The following TRIM37 variants were observed in gnomAD, a reference collection of about 807,000 sequenced individuals.
The protein encoded by TRIM37 is E3 ubiquitin-protein ligase TRIM37.
A neutral mutation model predicts 129.8 loss-of-function variants in TRIM37; 80 were observed. The ratio of observed to expected loss-of-function variants is 0.62; its 90% CI spans 0.51 to 0.74. TRIM37 has a LOEUF of 0.74. TRIM37 is among the 30% of genes least tolerant of loss of function. TRIM37 has a pLI of 0.00. For synonymous variants in TRIM37, 389 were observed against 387.1 expected, an observed-to-expected ratio of 1.00 and a Z score of -0.06; for missense variants, 1,054 against 1,176.5, an observed-to-expected ratio of 0.90 and a Z score of 1.52.
At chr17:59,057,218 T>G (rs925403048) in intron 12 of TRIM37, among the ~76,000 whole-genome samples, 164 bp from the exon 13 acceptor site, 9 of 152,118 alleles carry the variant, frequency 5.9e-5, no homozygotes, top group African/African-American at 2.2e-4. Flanking sequence ...TATTTTGGGG[T>G]TTTTTTATTT....
chr17:59,009,020 A>AG (rs2034900465), intron 22 of TRIM37, among the ~76,000 whole-genome samples: 1 of 152,196 alleles, frequency 6.6e-6, no homozygotes, highest in Non-Finnish European at 1.5e-5. Flanking sequence ...CTCATCCCTT[A>AG]GGATGATCTT....
intron 2 of TRIM37, among the ~76,000 whole-genome samples, chr17:59,091,607 A>T (rs1599514836): frequency 8.4e-6 from 1 of 119,042 alleles, no homozygotes; most frequent in East Asian, 2.1e-4. Context: ...TTATATATAT[A>T]ATATATATAT....
chr17:58,969,984 G>A, the TRIM37 span, among the ~76,000 whole-genome samples: 4 of 152,168 alleles, frequency 2.6e-5, no homozygotes, highest in Admixed American at 2.6e-4. Context: ...TGCTGGATTT[G>A]GCAGGTGAGT....
At chr17:59,088,432 C>G in intron 3 of TRIM37, 25 bp from the exon 4 acceptor site, 2 of 1,268,716 alleles carry the variant, frequency 1.6e-6, no homozygotes, top group Non-Finnish European at 1.2e-6. Context: ...CATACACATA[C>G]ACTAATTCAG....
chr17:59,060,336 T>C (rs2041368856), intron 12 of TRIM37, among the ~76,000 whole-genome samples: 1 of 152,090 alleles, frequency 6.6e-6, no homozygotes, highest in Admixed American at 6.6e-5. Flanking sequence ...GAGGTCTTTT[T>C]TTTTTTTTGG....
chr17:59,014,708 TAG>T (rs1302203398), intron 21 of TRIM37, among the ~76,000 whole-genome samples: 1 of 141,280 alleles, frequency 7.1e-6, no homozygotes, highest in East Asian at 2.0e-4. Context: ...AAGTGTAGGA[TAG>T]ACTGAAAAAA....
At chr17:59,088,591 A>G (rs1351035362) in intron 3 of TRIM37, among the ~76,000 whole-genome samples, 184 bp from the exon 4 acceptor site, 1 of 151,880 alleles carries the variant, frequency 6.6e-6, no homozygotes, top group Non-Finnish European at 1.5e-5. Flanking sequence ...ATCATGGTTC[A>G]CTGTAGCCTT....
rs138565713 is a variant in TRIM37, at chr17:59,106,026, T to C, written c.21+415A>G. 2.0e-3 allele frequency among the ~76,000 whole-genome samples: 312 copies of C among 152,318 alleles called. 5 individuals carry two copies. Among genetic ancestry groups the C allele is most frequent in the Non-Finnish European group, 1.1e-3 (73 of 68,032 alleles). ...AATCTAGGAAGGAAGGGCAGAAGCC[T>C]GCAAAATGTGCCACTGAGAGGGAAA... On this transcript the variant is annotated intron_variant, in intron 1 of 23. Coordinates refer to ENST00000262294, the MANE Select transcript of TRIM37 (RefSeq NM_015294.6).
At chr17:59,053,361 T>C (rs769126683) in intron 13 of TRIM37, among the ~76,000 whole-genome samples, 1 of 152,214 alleles carries the variant, frequency 6.6e-6, no homozygotes, top group African/African-American at 2.4e-5. Flanking sequence ...GTCTCATTAA[T>C]AGGATAATGT....
At chr17:59,006,600 T>A (rs1280455743) in intron 22 of TRIM37, among the ~76,000 whole-genome samples, 1 of 152,062 alleles carries the variant, frequency 6.6e-6, no homozygotes, top group African/African-American at 2.4e-5. Context: ...TAACTGGACT[T>A]GGCTGGCTGG....
chr17:58,972,703 C>A, the TRIM37 span: 1 of 821,544 alleles, frequency 1.2e-6, no homozygotes, highest in Non-Finnish European at 2.0e-6. Context: ...ACTGTGCCCA[C>A]CCTCCAATGG....
downstream of TRIM37, chr17:58,979,852 T>C (rs2031259898): frequency 1.3e-6 from 1 of 749,722 alleles, no homozygotes. Flanking sequence ...ATAAATTCTT[T>C]CCAGTCAAGT....
At chr17:59,060,019 T>C (rs566658547) in intron 12 of TRIM37, among the ~76,000 whole-genome samples, 57 of 152,208 alleles carry the variant, frequency 3.7e-4, no homozygotes, top group Non-Finnish European at 6.0e-4. Context: ...CCCTGATAAG[T>C]ACTCTGCTGA....
chr17:59,088,553 C>A (rs2043983760), intron 3 of TRIM37, 146 bp from the exon 4 acceptor site: 6 of 661,814 alleles, frequency 9.1e-6, no homozygotes, highest in South Asian at 7.1e-5. Flanking sequence ...CACTCTATGA[C>A]CCAGGGTGGA....
chr17:59,012,524 C>A, intron 21 of TRIM37, 78 bp from the exon 22 acceptor site: 1 of 988,008 alleles, frequency 1.0e-6, no homozygotes, highest in Non-Finnish European at 1.6e-6. Flanking sequence ...AACTGAGCAC[C>A]AAACTAAGTA....
chr17:59,041,031 C>T (rs969322643), intron 17 of TRIM37, among the ~76,000 whole-genome samples: 8 of 150,516 alleles, frequency 5.3e-5, no homozygotes, highest in South Asian at 2.1e-4. Flanking sequence ...CCGACCTGGG[C>T]GACAGAGCGA....
At position 59,106,500 on chromosome 17, in the gene TRIM37, G is replaced by T. The variant is rs770724532; in HGVS notation, c.-39C>A. On this transcript the variant is annotated 5_prime_UTR_variant, in exon 1 of 24. Transcript: ENST00000262294. ...CGGCGGGGCCGCTGGCGACCCGCAGGCTCCGCAGTCTGACCTCTTAGGCGC... is the reference window on the plus strand; with the variant it reads ...CGGCGGGGCCGCTGGCGACCCGCAGTCTCCGCAGTCTGACCTCTTAGGCGC... 1 of 1,612,578 alleles carries T rather than the reference G, an allele frequency of 6.2e-7. No homozygotes were observed. Among genetic ancestry groups the T allele is most frequent in the Non-Finnish European group, 8.5e-7 (1 of 1,179,490 alleles).
chr17:59,056,749 G>GGTT, intron 13 of TRIM37, 126 bp downstream of exon 13: 1 of 79,548 alleles, frequency 1.3e-5, no homozygotes. Flanking sequence ...AAAAAAAAAG[G>GGTT]TGATAAGGTT....
chr17:58,994,746 CTTTCTTTT>C (rs1339657183), downstream of TRIM37, among the ~76,000 whole-genome samples: 4 of 151,046 alleles, frequency 2.6e-5, no homozygotes, highest in Admixed American at 6.6e-5. Context: ...CATTTTCTTT[CTTTCTTTT>C]TTTTTTTTTT....
Sources: allele counts gnomAD v4.1 joint callset (sites outside exome capture counted in the v4.1 genomes callset), GRCh38; gene constraint gnomAD v4.1.1; transcripts MANE v1.5; gene names NCBI Gene and HGNC (gene_info 2026-07-23, HGNC 2026-07-21).